The following SPTLC2 variants were observed in gnomAD, a reference collection of about 807,000 sequenced individuals.
SPTLC2 encodes serine palmitoyltransferase long chain base subunit 2, also known as serine palmitoyltransferase 2.
A neutral mutation model predicts 62.0 loss-of-function variants in SPTLC2; 21 were observed. The observed-to-expected ratio is 0.34, with a 90% confidence interval of 0.24 to 0.49. The LOEUF (loss-of-function observed/expected upper bound fraction) is 0.49, where lower values mean the gene tolerates loss of function less well. Ranked by LOEUF, SPTLC2 falls within the 20% of genes least tolerant of loss-of-function variation. The pLI, the probability that SPTLC2 is intolerant of heterozygous loss-of-function variation, is 0.99. For missense variants in SPTLC2, 511 were observed against 713.0 expected (o/e 0.72, Z 3.23); for synonymous variants, 261 against 261.8 (o/e 1.00, Z 0.03).
At chr14:77,569,839 C>CATTATATAT (rs2079669373) in intron 5 of SPTLC2, among the ~76,000 whole-genome samples, 2 of 80,952 alleles carry the variant, frequency 2.5e-5, no homozygotes, top group African/African-American at 8.3e-5. Context: ...ATATAATATA[C>CATTATATAT]AATATTATAT....
At chr14:77,573,898 C>G (rs2079698800) in intron 4 of SPTLC2, among the ~76,000 whole-genome samples, 1 of 152,160 alleles carries the variant, frequency 6.6e-6, no homozygotes, top group Admixed American at 6.6e-5. Flanking sequence ...TCCCAAAGTG[C>G]TGAGATGACA....
At chr14:77,562,717 A>T (rs549168677) in intron 5 of SPTLC2, among the ~76,000 whole-genome samples, 1 of 152,240 alleles carries the variant, frequency 6.6e-6, no homozygotes, top group Non-Finnish European at 1.5e-5. Context: ...TAATATCTTC[A>T]GTCCCATGAC....
chr14:77,572,701 G>T (rs1165142538), intron 4 of SPTLC2, among the ~76,000 whole-genome samples: 1 of 152,168 alleles, frequency 6.6e-6, no homozygotes, highest in Non-Finnish European at 1.5e-5. Context: ...AATTATTTTA[G>T]CTAGATCTTC....
rs7159683 is a variant in SPTLC2 at position 77,555,667 on chromosome 14, G to T, written c.957-148C>A. 113,723 of 804,366 alleles carry T rather than the reference G, an allele frequency of 0.14. 9,247 individuals are homozygous for T. Among genetic ancestry groups the T allele is most frequent in the African/African-American group, 0.26 (14,846 of 57,410 alleles). The allele number at this position is 804,366 out of a possible 1,614,324, so 49.8% of individuals were successfully genotyped here. ...GTTTTGCTCCATTGTCCAGGCTGAA[G>T]TGCAGTGGCATAATCTCGGCTTACT... On this transcript the variant is annotated intron_variant, in intron 7 of 11. Transcript: ENST00000216484.
intron 2 of SPTLC2, among the ~76,000 whole-genome samples, chr14:77,593,464 T>TG: frequency 6.6e-6 from 1 of 152,298 alleles, no homozygotes; most frequent in East Asian, 1.9e-4. Flanking sequence ...AACTACTAGC[T>TG]TCACCTCACA....
At position 77,567,033 on chromosome 14, in the gene SPTLC2, C is replaced by T. The variant is rs554356247; in HGVS notation, c.756+3351G>A. On this transcript the variant is annotated intron_variant, in intron 5 of 11. Transcript: ENST00000216484. Reference sequence around the variant, plus strand: ...TCCCCCAGGCTGGAGTGCAGTGGCCCGATCTCGGCTCACTGCCAGCTCCGC... The same window carrying T: ...TCCCCCAGGCTGGAGTGCAGTGGCCTGATCTCGGCTCACTGCCAGCTCCGC... Among the ~76,000 whole-genome samples the T allele has an allele frequency of 2.6e-3, 400 of 152,086 alleles. 2 individuals are homozygous for T. Among genetic ancestry groups the T allele is most frequent in the African/African-American group, 9.2e-3 (382 of 41,478 alleles).
At chr14:77,549,430 G>A (rs1293698746) in intron 9 of SPTLC2, among the ~76,000 whole-genome samples, 1 of 152,176 alleles carries the variant, frequency 6.6e-6, no homozygotes. Flanking sequence ...ACGATGTCAT[G>A]AGGAGCCTAA....
chr14:77,516,412 T>C (rs1030976737), intron 11 of SPTLC2, among the ~76,000 whole-genome samples: 4 of 152,164 alleles, frequency 2.6e-5, no homozygotes, highest in Non-Finnish European at 5.9e-5. Flanking sequence ...CCATAGACAC[T>C]GGTTATAGTT....
At chr14:77,610,519 C>T (rs939400314) in intron 1 of SPTLC2, among the ~76,000 whole-genome samples, 5 of 152,124 alleles carry the variant, frequency 3.3e-5, no homozygotes, top group Non-Finnish European at 7.3e-5. Context: ...CTCCTGGGCT[C>T]AAGCAATCCT....
intron 9 of SPTLC2, among the ~76,000 whole-genome samples, chr14:77,534,529 A>C (rs4903595): frequency 0.23 from 34,807 of 151,214 alleles, 4,780 homozygotes; most frequent in East Asian, 0.56. Flanking sequence ...GATATAAAAA[A>C]TTTTTAACAC....
rs761783981 is a variant in SPTLC2, at chr14:77,555,349, G to A, written c.1127C>T (p.Thr376Met). The A allele has an allele frequency of 1.2e-6, 2 of 1,614,006 alleles. No homozygotes were observed. The highest frequency in any genetic ancestry group is 8.5e-7 in the Non-Finnish European group (1 of 1,180,022). ...DPEDVDVMMG[T>M]FTKSFGASGG... ...AGAAGCACCAAAACTCTTTGTGAAC[G>A]TTCCCATCATAACATCCACATCCTC... The change falls in exon 8 of 12, where the codon ACG (threonine) becomes ATG (methionine). Residue 376 changes from threonine (T) to methionine (M), a missense_variant. Thr to Met is a moderately conservative substitution (Grantham distance 81, BLOSUM62 -1). Coordinates refer to ENST00000216484, the MANE Select transcript of SPTLC2 (RefSeq NM_004863.4).
At chr14:77,599,147 A>C (rs2079864159) in intron 1 of SPTLC2, among the ~76,000 whole-genome samples, 1 of 152,154 alleles carries the variant, frequency 6.6e-6, no homozygotes, top group Non-Finnish European at 1.5e-5. Context: ...ATAGATGAAA[A>C]CTTTTTGCTT....
intron 2 of SPTLC2, among the ~76,000 whole-genome samples, chr14:77,585,709 T>C (rs1473763654): frequency 2.6e-5 from 4 of 152,218 alleles, no homozygotes; most frequent in African/African-American, 9.7e-5. Context: ...ACAAATTTAT[T>C]TCAGCTTTAC....
At position 77,510,819 on chromosome 14, in the gene SPTLC2, C is replaced by T. The variant is rs2139988117; in HGVS notation, c.*1465G>A. ...CTGTTTTTCCATTCTGTTCCCAATC[C>T]TTCTCCTGTAATACTTGATGGATAC... On this transcript the variant is annotated 3_prime_UTR_variant, in exon 12 of 12. Transcript: ENST00000216484. The T allele has an allele frequency of 6.6e-6, 1 of 152,668 alleles. No homozygotes were observed. Among genetic ancestry groups the T allele is most frequent in the South Asian group, 2.1e-4 (1 of 4,820 alleles). 9.5% of individuals were successfully genotyped at this position (152,668 alleles called of 1,614,324 possible). A position where few individuals can be genotyped will look rare whatever the true frequency, so the allele number is the denominator to read the frequency against.
intron 1 of SPTLC2, among the ~76,000 whole-genome samples, chr14:77,609,446 A>G (rs972388835): frequency 6.6e-6 from 1 of 152,130 alleles, no homozygotes; most frequent in Non-Finnish European, 1.5e-5. Flanking sequence ...GCTATTATAA[A>G]TAACGTGGGG....
At chr14:77,576,669 G>C in intron 4 of SPTLC2, 98 bp downstream of exon 4, 1 of 1,519,456 alleles carries the variant, frequency 6.6e-7, no homozygotes, top group Non-Finnish European at 9.1e-7. Flanking sequence ...ACATGACAAA[G>C]TGTAGATATT....
At chr14:77,522,857 A>G (rs1264894515) in intron 9 of SPTLC2, among the ~76,000 whole-genome samples, 1 of 152,256 alleles carries the variant, frequency 6.6e-6, no homozygotes, top group East Asian at 1.9e-4. Context: ...AGTTCTTATG[A>G]CAAATTAACC....
At chr14:77,570,087 G>A (rs1594996236) in intron 5 of SPTLC2, among the ~76,000 whole-genome samples, 1 of 151,054 alleles carries the variant, frequency 6.6e-6, no homozygotes, top group African/African-American at 2.4e-5. Flanking sequence ...GCCAGGCGTG[G>A]TGGCACACAG....
chr14:77,554,073 C>T (rs2079570067), intron 8 of SPTLC2, among the ~76,000 whole-genome samples: 1 of 152,164 alleles, frequency 6.6e-6, no homozygotes, highest in African/African-American at 2.4e-5. Context: ...CCACTTCAGC[C>T]TCTCAAAGTG....
Sources: gnomAD v4.1 joint callset for allele counts (sites outside exome capture counted in the v4.1 genomes callset) on GRCh38, gnomAD v4.1.1 for gene constraint, MANE v1.5 for transcripts, NCBI Gene and HGNC (gene_info 2026-07-23, HGNC 2026-07-21) for gene names.